Variants in DDX50 observed in about 807,000 individuals in gnomAD.
DDX50 encodes the protein DExD-box helicase 50.
DDX50 carries 56 observed loss-of-function variants against 94.8 expected under a neutral mutation model. The ratio of observed to expected loss-of-function variants is 0.59; its 90% CI spans 0.48 to 0.74. DDX50 has a LOEUF of 0.74. Among genes scored for constraint, DDX50 ranks in the 30% least tolerant of loss-of-function variants. DDX50 has a pLI of 0.00. For missense variants in DDX50, 713 were observed against 881.2 expected (o/e 0.81, Z 2.42); for synonymous variants, 264 against 295.4 (o/e 0.89, Z 1.09).
At chr10:68,907,105 T>G in intron 2 of DDX50, 98 bp downstream of exon 2, 1 of 1,198,642 alleles carries the variant, frequency 8.3e-7, no homozygotes, top group South Asian at 1.5e-5. Context: ...TAACATTTCT[T>G]GATTAGTGTC....
intron 7 of DDX50, among the ~76,000 whole-genome samples, chr10:68,919,101 C>G (rs1841879389): frequency 6.6e-6 from 1 of 152,088 alleles, no homozygotes; most frequent in Non-Finnish European, 1.5e-5. Flanking sequence ...AGGCTATACC[C>G]TAGGTTTGTG....
At chr10:68,940,970 A>G in intron 12 of DDX50, 90 bp from the exon 13 acceptor site, 1 of 1,487,308 alleles carries the variant, frequency 6.7e-7, no homozygotes, top group Non-Finnish European at 9.0e-7. Flanking sequence ...TAAGAAATGC[A>G]CAGTTAAGTC....
chr10:68,913,485 G>A lies in DDX50; in HGVS notation c.852G>A (p.Leu284=), dbSNP rs1841694686. 1 of 1,614,094 alleles carries A rather than the reference G, an allele frequency of 6.2e-7. No homozygotes were observed. The highest frequency in any genetic ancestry group is 1.7e-5 in the Admixed American group (1 of 60,000). Residue 284 remains leucine (L), a synonymous_variant, in exon 6 of 15, where the codon CTG becomes CTA. Transcript: ENST00000373585. ...GTGGCCGATTGGATCTTTCTAAACT[G>A]CGACATGTTGTGCTTGATGAAGTGG... ...LQSGRLDLSK[L]RHVVLDEVDQ... is the part of the protein sequence containing the mutation.
At position 68,910,298 on chromosome 10, in the gene DDX50, T is replaced by G; in HGVS notation, c.385-9T>G. The G allele has an allele frequency of 6.3e-7, 1 of 1,591,708 alleles. No individual in the cohort carries two copies. Among genetic ancestry groups the G allele is most frequent in the Non-Finnish European group, 8.5e-7 (1 of 1,172,874 alleles). ...TAAATTATTTAGGCCATTGATTTCA[T>G]TTTTACAGACCTTAACACGTGAACA... On this transcript the variant is annotated splice_polypyrimidine_tract_variant and intron_variant, in intron 2 of 14. Transcript: ENST00000373585.
chr10:68,913,361 C>A, intron 5 of DDX50, 30 bp from the exon 6 acceptor site: 1 of 1,604,032 alleles, frequency 6.2e-7, no homozygotes, highest in East Asian at 2.2e-5. Flanking sequence ...TTGAATTTTA[C>A]ATATTGGTGG....
intron 8 of DDX50, among the ~76,000 whole-genome samples, chr10:68,927,922 T>C (rs1419355185): frequency 1.6e-4 from 24 of 152,212 alleles, no homozygotes; most frequent in Admixed American, 1.6e-3. Flanking sequence ...CTCAGGAGAC[T>C]GAGGTGGGAG....
chr10:68,920,018 A>G, intron 8 of DDX50, 37 bp downstream of exon 8: 1 of 1,610,800 alleles, frequency 6.2e-7, no homozygotes, highest in South Asian at 1.1e-5. Flanking sequence ...AATTGAAATT[A>G]TGGGGATGAA....
chr10:68,946,430 A>C lies in DDX50; in HGVS notation c.2014A>C (p.Thr672Pro), dbSNP rs1208429647. 6.2e-7 allele frequency: 1 copy of C among 1,614,262 alleles called. No individual in the cohort carries two copies. The highest frequency in any genetic ancestry group is 8.5e-7 in the Non-Finnish European group (1 of 1,180,038). ...AATTGAAGAATATTATGATGGAAAC[A>C]CATCTTCTAATTCCAGACAGAGGAG... is the stretch of plus-strand genomic sequence containing the variant. Reference protein sequence around the residue: ...PEIEEYYDGNTSSNSRQRSGW... With the variant: ...PEIEEYYDGNPSSNSRQRSGW... Residue 672 changes from threonine (T) to proline (P), a missense_variant, in exon 15 of 15, where the codon ACA becomes CCA. By Grantham distance (38) the Thr-to-Pro change is conservative (BLOSUM62 -1). Transcript: ENST00000373585.
chr10:68,908,853 C>T (rs1196174916), intron 2 of DDX50, among the ~76,000 whole-genome samples: 1 of 151,956 alleles, frequency 6.6e-6, no homozygotes, highest in Non-Finnish European at 1.5e-5. Context: ...ACTATGTTGC[C>T]CAGACTGGTC....
intron 8 of DDX50, among the ~76,000 whole-genome samples, chr10:68,933,092 A>C (rs1842315640): frequency 6.9e-6 from 1 of 144,596 alleles, no homozygotes; most frequent in Non-Finnish European, 1.5e-5. Flanking sequence ...TTTTGAGATG[A>C]AGCTTCACTC....
At chr10:68,943,163 TCTA>T (rs911748197) in intron 13 of DDX50, 47 bp from the exon 14 acceptor site, 3 of 1,566,526 alleles carry the variant, frequency 1.9e-6, no homozygotes. Context: ...ACAAAAAAAA[TCTA>T]CACATATGCA....
chr10:68,907,201 T>G (rs182273327), intron 2 of DDX50, among the ~76,000 whole-genome samples, 194 bp downstream of exon 2: 54 of 152,310 alleles, frequency 3.5e-4, no homozygotes, highest in Middle Eastern at 6.8e-3. Flanking sequence ...TGTATGGCCT[T>G]TTTCTTGGGG....
Position 68,936,976 on chromosome 10 carries a change from C to T in DDX50, c.1636C>T (p.Arg546Ter), listed in dbSNP as rs1842437119. The change falls in exon 12 of 15, where the codon CGA becomes TGA. Residue 546 changes from arginine to a stop codon, truncating the protein, a stop_gained. Transcript: ENST00000373585. LOFTEE classifies it high-confidence loss of function. ...SVSYAAVDFF[R>*]PSAQRLIEEK... is the part of the protein sequence containing the mutation. ...TTCTTACGCTGCTGTTGATTTTTTC[C>T]GACCATCAGCTCAGAGACTGATAGA... The T allele has an allele frequency of 6.8e-6, 11 of 1,608,636 alleles. No homozygotes were observed. The highest frequency in any genetic ancestry group is 4.0e-5 in the African/African-American group (3 of 74,676).
At chr10:68,936,505 AAAAAAAAAAAATATATATATATATATAT>A (rs1414889670) in intron 11 of DDX50, among the ~76,000 whole-genome samples, 2 of 47,540 alleles carry the variant, frequency 4.2e-5, no homozygotes, top group African/African-American at 1.7e-4. Context: ...AAAAAAAAAA[AAAAAAAAAAAATATATATATATATATAT>A]ATATATATAT....
chr10:68,933,283 T>C (rs1421372813), intron 8 of DDX50, among the ~76,000 whole-genome samples: 1 of 152,116 alleles, frequency 6.6e-6, no homozygotes, highest in Admixed American at 6.5e-5. Context: ...TTGGCCAGGC[T>C]GGTCTCAAAC....
At chr10:68,938,256 G>A (rs1320094868) in intron 12 of DDX50, among the ~76,000 whole-genome samples, 1 of 152,166 alleles carries the variant, frequency 6.6e-6, no homozygotes, top group Non-Finnish European at 1.5e-5. Context: ...AGCATGCAAA[G>A]TAAGTAAGAA....
In DDX50 at chr10:68,901,490, G is replaced by A. The variant is rs774495406; in HGVS notation, c.87+19G>A. 8 of 1,553,274 alleles carry A rather than the reference G, an allele frequency of 5.2e-6. No homozygotes were observed. Among genetic ancestry groups the A allele is most frequent in the Admixed American group, 2.0e-5 (1 of 51,102 alleles). On this transcript the variant is annotated intron_variant, in intron 1 of 14. Transcript: ENST00000373585. ...GCAAAAGGTGCGCTGAGCATGGGCC[G>A]CGCCTCCTTTTGGGCTGCGCCGGCT...
At chr10:68,935,069 T>A in intron 10 of DDX50, 151 bp downstream of exon 10, 1 of 956,768 alleles carries the variant, frequency 1.0e-6, no homozygotes, top group Non-Finnish European at 1.5e-6. Flanking sequence ...TAAATTTATA[T>A]TAGCTTCAAG....
At position 68,906,710 on chromosome 10, in the gene DDX50, G is replaced by C; in HGVS notation, c.88-1G>C. The C allele has an allele frequency of 6.2e-7, 1 of 1,604,846 alleles. No homozygotes were observed. The highest frequency in any genetic ancestry group is 8.5e-7 in the Non-Finnish European group (1 of 1,178,038). ...GTCATTGCTTCTTTGTTTGTTCACA[G>C]AGTGACAGAAGGAAGTCAAGGCACC... On this transcript the variant is annotated splice_acceptor_variant, in intron 1 of 14. Coordinates refer to ENST00000373585, the MANE Select transcript of DDX50 (RefSeq NM_024045.2). LOFTEE classifies it high-confidence loss of function.
Sources: allele counts gnomAD v4.1 joint callset (sites outside exome capture counted in the v4.1 genomes callset), GRCh38; gene constraint gnomAD v4.1.1; transcripts MANE v1.5; gene names NCBI Gene and HGNC (gene_info 2026-07-23, HGNC 2026-07-21).